NLGN1: variants seen among roughly 807,000 people sequenced by gnomAD.
NLGN1 encodes neuroligin 1, also known as neuroligin-1.
A neutral mutation model predicts 65.5 loss-of-function variants in NLGN1; 12 were observed. That is an observed-to-expected ratio of 0.18 (90% confidence interval 0.12 to 0.30). The LOEUF is 0.30. Ranked by LOEUF, NLGN1 falls within the 10% of genes least tolerant of loss-of-function variation. The pLI, the probability that NLGN1 is intolerant of heterozygous loss-of-function variation, is 1.00. For missense variants in NLGN1, 750 were observed against 1,007.1 expected, an observed-to-expected ratio of 0.74 and a Z score of 3.46; for synonymous variants, 350 against 359.5, an observed-to-expected ratio of 0.97 and a Z score of 0.30.
At chr3:173,646,085 A>G (rs1758222495) in intron 3 of NLGN1, among the ~76,000 whole-genome samples, 1 of 152,154 alleles carries the variant, frequency 6.6e-6, no homozygotes, top group Non-Finnish European at 1.5e-5. Flanking sequence ...GTCTGTCAGA[A>G]AGTGGTCCAT....
chr3:174,145,525 A>G (rs1164185137), intron 4 of NLGN1, among the ~76,000 whole-genome samples: 2 of 151,824 alleles, frequency 1.3e-5, no homozygotes, highest in African/African-American at 4.9e-5. Flanking sequence ...AAAAAGAAAA[A>G]GAAAAAAAAC....
At chr3:173,967,932 T>C (rs776882418) in intron 4 of NLGN1, among the ~76,000 whole-genome samples, 28 of 152,204 alleles carry the variant, frequency 1.8e-4, no homozygotes, top group Non-Finnish European at 3.8e-4. Flanking sequence ...TATTCAAGTT[T>C]AATTTTATCC....
At chr3:173,733,297 G>C (rs2150066897) in intron 3 of NLGN1, among the ~76,000 whole-genome samples, 1 of 152,152 alleles carries the variant, frequency 6.6e-6, no homozygotes, top group African/African-American at 2.4e-5. Context: ...TTTCAGGAAT[G>C]GTTGTTCTTA....
At chr3:173,456,073 T>A (rs116580823) in intron 2 of NLGN1, among the ~76,000 whole-genome samples, 1 of 152,082 alleles carries the variant, frequency 6.6e-6, no homozygotes, top group Non-Finnish European at 1.5e-5. Flanking sequence ...TCTGCTTTAG[T>A]AAGACATCAA....
chr3:173,789,513 C>T (rs1712165508), intron 3 of NLGN1, among the ~76,000 whole-genome samples: 1 of 152,302 alleles, frequency 6.6e-6, no homozygotes, highest in African/African-American at 2.4e-5. Context: ...CCTTCCTTTT[C>T]ACAGCCAAAG....
intron 4 of NLGN1, among the ~76,000 whole-genome samples, chr3:174,209,726 G>T (rs1736100204): frequency 7.2e-6 from 1 of 138,462 alleles, no homozygotes; most frequent in Admixed American, 7.9e-5. Context: ...TCCACCTCCT[G>T]GGTTCAAGTG....
At chr3:174,153,723 TG>T (rs1368929262) in intron 4 of NLGN1, among the ~76,000 whole-genome samples, 1 of 152,050 alleles carries the variant, frequency 6.6e-6, no homozygotes, top group Non-Finnish European at 1.5e-5. Flanking sequence ...CCAGTTACAG[TG>T]GCTCACATCC....
rs1266908786 is a variant in NLGN1, at chr3:173,782,698, T to C, written c.494-24982T>C. Among the ~76,000 whole-genome samples, 3 of 151,776 alleles carry C rather than the reference T, an allele frequency of 2.0e-5. No homozygotes were observed. In the East Asian group the frequency reaches 5.8e-4, roughly 29 times the overall value. ...TGTGTACTCAAAGCTTACCTTTTTT[T>C]TTTTTTCTTTTTGCATTGTTCTTAC... On this transcript the variant is annotated intron_variant, in intron 3 of 6. Coordinates refer to ENST00000457714, the Ensembl canonical transcript of NLGN1.
chr3:173,744,465 G>C (rs4894453), intron 3 of NLGN1, among the ~76,000 whole-genome samples: 132,046 of 152,118 alleles, frequency 0.87, 57,407 homozygotes, highest in East Asian at 1. Flanking sequence ...GAGACACTCT[G>C]ACTGGAGCAG....
chr3:173,956,973 T>A (rs1712224193), intron 4 of NLGN1, among the ~76,000 whole-genome samples: 2 of 152,094 alleles, frequency 1.3e-5, no homozygotes, highest in African/African-American at 4.8e-5. Context: ...TTTTTAAAAA[T>A]GAGTTAATAA....
At chr3:173,892,270 T>G (rs1473083027) in intron 4 of NLGN1, among the ~76,000 whole-genome samples, 1 of 151,838 alleles carries the variant, frequency 6.6e-6, no homozygotes, top group Non-Finnish European at 1.5e-5. Flanking sequence ...ACTTTATAAG[T>G]CTCTGTGTGT....
chr3:173,550,768 A>G (rs1448998695), intron 2 of NLGN1, among the ~76,000 whole-genome samples: 1 of 152,068 alleles, frequency 6.6e-6, no homozygotes, highest in African/African-American at 2.4e-5. Flanking sequence ...ATGGTACACT[A>G]GTGTCTTAAA....
chr3:173,741,527 A>G (rs1428558959), intron 3 of NLGN1, among the ~76,000 whole-genome samples: 3 of 151,934 alleles, frequency 2.0e-5, no homozygotes, highest in African/African-American at 2.4e-5. Context: ...GAGTCTCACT[A>G]TGTCACTCAG....
intron 4 of NLGN1, among the ~76,000 whole-genome samples, chr3:173,897,569 C>A (rs947718461): frequency 2.0e-5 from 3 of 152,122 alleles, no homozygotes; most frequent in African/African-American, 7.2e-5. Flanking sequence ...CCAATATAAG[C>A]AATTTTACTT....
intron 4 of NLGN1, among the ~76,000 whole-genome samples, chr3:173,847,252 T>C (rs1053441905): frequency 6.6e-6 from 1 of 152,238 alleles, no homozygotes; most frequent in Non-Finnish European, 1.5e-5. Context: ...ATTTTGGGAT[T>C]GTATTCTAAG....
At chr3:174,200,123 C>T (rs1007724293) in intron 4 of NLGN1, among the ~76,000 whole-genome samples, 1 of 152,158 alleles carries the variant, frequency 6.6e-6, no homozygotes, top group African/African-American at 2.4e-5. Context: ...GCTCCTTTGC[C>T]TCTGCCGTTT....
chr3:173,965,429 T>G (rs748275793), intron 4 of NLGN1, among the ~76,000 whole-genome samples: 7 of 151,720 alleles, frequency 4.6e-5, no homozygotes, highest in Admixed American at 3.3e-4. Context: ...GAGATTCTCA[T>G]GCTTCAGCCT....
At chr3:174,222,679 G>A (rs964888981) in intron 4 of NLGN1, among the ~76,000 whole-genome samples, 2 of 151,972 alleles carry the variant, frequency 1.3e-5, no homozygotes, top group African/African-American at 4.8e-5. Flanking sequence ...TTCCTGTTTG[G>A]GCAAGCAAAG....
chr3:173,799,172 G>T (rs1243948698), intron 3 of NLGN1, among the ~76,000 whole-genome samples: 2 of 151,610 alleles, frequency 1.3e-5, no homozygotes, highest in Admixed American at 1.3e-4. Flanking sequence ...CTTGCTTACT[G>T]CTATGTGATT....
Sources: allele counts gnomAD v4.1 joint callset (sites outside exome capture counted in the v4.1 genomes callset), GRCh38; gene constraint gnomAD v4.1.1; transcripts MANE v1.5; gene names NCBI Gene and HGNC (gene_info 2026-07-23, HGNC 2026-07-21).